The following ARID1B variants were observed in gnomAD, a reference collection of about 807,000 sequenced individuals.
ARID1B encodes AT-rich interaction domain 1B.
ARID1B carries 30 observed loss-of-function variants against 212.3 expected under a neutral mutation model. That is an observed-to-expected ratio of 0.14 (90% CI 0.11 to 0.19). ARID1B has a LOEUF of 0.19. Among genes scored for constraint, ARID1B ranks in the 10% least tolerant of loss-of-function variants. ARID1B has a pLI of 1.00. For synonymous variants in ARID1B, 1,402 were observed against 1,301.7 expected, an observed-to-expected ratio of 1.08 and a Z score of -1.66; for missense variants, 2,891 against 3,204.0, an observed-to-expected ratio of 0.90 and a Z score of 2.36.
intron 1 of ARID1B, among the ~76,000 whole-genome samples, chr6:156,787,093 C>T (rs1779694524): frequency 1.3e-5 from 2 of 150,970 alleles, no homozygotes; most frequent in South Asian, 4.2e-4. Context: ...TGTGCCAGAG[C>T]GAAATATAGA....
At position 156,892,060 on chromosome 6, in the gene ARID1B, C is replaced by CT. The variant is rs1194745302; in HGVS notation, c.1987-9305dup. On this transcript the variant is annotated intron_variant, in intron 2 of 19. Coordinates refer to ENST00000636930, the MANE Select transcript of ARID1B (RefSeq NM_001374828.1). ...CGAATTTTCTTTTTTTTTTTTTTTT[C>CT]TTTTTTTTTTTGTATTTTTAGTAGT... is the stretch of plus-strand genomic sequence containing the variant. Among the ~76,000 whole-genome samples, 324 of 64,398 alleles carry CT rather than the reference C, an allele frequency of 5.0e-3. 1 individual carries two copies. The highest frequency in any genetic ancestry group is 0.027 in the South Asian group (57 of 2,122). The allele number at this position is 64,398 out of a possible 152,430, so 42.2% of individuals were successfully genotyped here.
chr6:157,000,469 G>T (rs1452748825), intron 4 of ARID1B, among the ~76,000 whole-genome samples: 1 of 152,106 alleles, frequency 6.6e-6, no homozygotes, highest in Non-Finnish European at 1.5e-5. Flanking sequence ...AAATTGAAAA[G>T]AAATATTGTA....
intron 2 of ARID1B, among the ~76,000 whole-genome samples, chr6:156,858,401 G>A (rs1021447110): frequency 6.6e-6 from 1 of 152,196 alleles, no homozygotes; most frequent in Non-Finnish European, 1.5e-5. Context: ...ACAAAGAAAT[G>A]ACAAATGTTT....
chr6:156,839,492 C>T (rs1490784619), intron 2 of ARID1B, among the ~76,000 whole-genome samples: 1 of 152,168 alleles, frequency 6.6e-6, no homozygotes, highest in Non-Finnish European at 1.5e-5. Context: ...GGGATACATT[C>T]AAATCACTGA....
chr6:157,137,311 G>T (rs1788996913), intron 7 of ARID1B, among the ~76,000 whole-genome samples: 1 of 152,206 alleles, frequency 6.6e-6, no homozygotes, highest in South Asian at 2.1e-4. Flanking sequence ...CTTAATTACA[G>T]TATATTTTAT....
rs183142731 is a variant in ARID1B at position 156,857,349 on chromosome 6, A to G, written c.1986+27928A>G. Among the ~76,000 whole-genome samples the G allele has an allele frequency of 3.2e-3, 493 of 152,308 alleles. 2 individuals are homozygous for G. Among genetic ancestry groups the G allele is most frequent in the African/African-American group, 0.011 (469 of 41,572 alleles). On this transcript the variant is annotated intron_variant, in intron 2 of 19. Transcript: ENST00000636930. Reference sequence around the variant, plus strand: ...GTCCCCTGCTTTGTGGAGGCTGTACAGAGCCCCTGGGAAGCTGAGGTGCCA... The same window carrying G: ...GTCCCCTGCTTTGTGGAGGCTGTACGGAGCCCCTGGGAAGCTGAGGTGCCA...
chr6:156,925,750 AG>A (rs976188429), intron 3 of ARID1B, among the ~76,000 whole-genome samples: 1 of 152,182 alleles, frequency 6.6e-6, no homozygotes, highest in Non-Finnish European at 1.5e-5. Context: ...GCAGAGGGGA[AG>A]GGAAACTATC....
intron 2 of ARID1B, among the ~76,000 whole-genome samples, chr6:156,869,445 G>T (rs1165766158): frequency 6.6e-6 from 1 of 152,032 alleles, no homozygotes; most frequent in East Asian, 1.9e-4. Context: ...TAACCATTGG[G>T]GACTACATCT....
chr6:157,031,707 C>CCCT (rs1282082523), intron 4 of ARID1B, among the ~76,000 whole-genome samples: 2 of 152,062 alleles, frequency 1.3e-5, no homozygotes, highest in African/African-American at 4.8e-5. Context: ...TGGAGTCACC[C>CCCT]CCTCCTCTTG....
intron 1 of ARID1B, among the ~76,000 whole-genome samples, chr6:156,808,493 G>C (rs563420152): frequency 6.6e-6 from 1 of 152,314 alleles, no homozygotes; most frequent in South Asian, 2.1e-4. Flanking sequence ...CCGTGAACCA[G>C]AGCAGCCCTG....
intron 2 of ARID1B, among the ~76,000 whole-genome samples, chr6:156,857,834 A>G (rs993704194): frequency 1.2e-4 from 18 of 152,358 alleles, no homozygotes; most frequent in East Asian, 9.6e-4. Flanking sequence ...CCTAGGCTAT[A>G]TAACAGAGCC....
chr6:156,867,000 G>T (rs9372022), intron 2 of ARID1B, among the ~76,000 whole-genome samples: 40,992 of 152,130 alleles, frequency 0.27, 6,096 homozygotes, highest in African/African-American at 0.4. Context: ...TACATGAATA[G>T]CTCCCTTTAA....
chr6:156,952,394 T>C (rs1583018733), intron 4 of ARID1B, among the ~76,000 whole-genome samples: 1 of 152,242 alleles, frequency 6.6e-6, no homozygotes, highest in Admixed American at 6.5e-5. Flanking sequence ...CGTTATAAAA[T>C]TGGAGCTGTG....
intron 4 of ARID1B, among the ~76,000 whole-genome samples, chr6:156,962,569 G>A (rs9384517): frequency 0.57 from 85,977 of 151,726 alleles, 25,084 homozygotes; most frequent in African/African-American, 0.71. Context: ...ACAGCTCACC[G>A]CTTCCCGGGC....
rs558290284 is a variant in ARID1B, at chr6:156,967,825, G to A, written c.2247+32249G>A. On this transcript the variant is annotated intron_variant, in intron 4 of 19. Coordinates refer to ENST00000636930, the MANE Select transcript of ARID1B (RefSeq NM_001374828.1). ...TGAACCTCCTTTTGGGGGTTTCTGT[G>A]TATATTGAAATTGGTGATAAGATTT... is the stretch of plus-strand genomic sequence containing the variant. 3.3e-5 allele frequency among the ~76,000 whole-genome samples: 5 copies of A among 152,282 alleles called. No individual in the cohort carries two copies. The East Asian group carries it at 9.6e-4, about 29-fold the overall frequency.
In ARID1B at chr6:156,897,252, C is replaced by CTTATTATTA. The variant is rs1351964431; in HGVS notation, c.1987-4122_1987-4121insATTATTATT. Reference sequence around the variant, plus strand: ...TCTTCTTCTTCTTCTTCTTCTTCTTCTTCTTCTTCTTCTTATTATTATTAT... The same window carrying CTTATTATTA: ...TCTTCTTCTTCTTCTTCTTCTTCTTCTTATTATTATTCTTCTTCTTCTTATTATTATTAT... On this transcript the variant is annotated intron_variant, in intron 2 of 19. Transcript: ENST00000636930. 3.5e-3 allele frequency among the ~76,000 whole-genome samples: 336 copies of CTTATTATTA among 96,668 alleles called. 2 individuals carry two copies. Among genetic ancestry groups the CTTATTATTA allele is most frequent in the African/African-American group, 0.01 (294 of 28,070 alleles). 63.4% of individuals were successfully genotyped at this position (96,668 alleles called of 152,430 possible). A position where few individuals can be genotyped will look rare whatever the true frequency, so the allele number is the denominator to read the frequency against.
At chr6:157,108,847 A>G (rs1190993157) in intron 5 of ARID1B, among the ~76,000 whole-genome samples, 2 of 152,228 alleles carry the variant, frequency 1.3e-5, no homozygotes, top group Admixed American at 1.3e-4. Context: ...TAGTGGTGAC[A>G]CAGTGCATAT....
At chr6:156,982,425 CTT>C (rs778116375) in intron 4 of ARID1B, among the ~76,000 whole-genome samples, 11 of 124,738 alleles carry the variant, frequency 8.8e-5, no homozygotes, top group East Asian at 2.3e-4. Context: ...CTCTATGGGT[CTT>C]TTTTTTTTTT....
intron 7 of ARID1B, among the ~76,000 whole-genome samples, chr6:157,147,768 T>C (rs184448380): frequency 0.048 from 123 of 2,588 alleles, no homozygotes; most frequent in African/African-American, 0.058. Context: ...GTCCCTCACC[T>C]CCGCCTCCGG....
Sources: allele counts gnomAD v4.1 joint callset (sites outside exome capture counted in the v4.1 genomes callset), GRCh38; gene constraint gnomAD v4.1.1; transcripts MANE v1.5; gene names NCBI Gene and HGNC (gene_info 2026-07-23, HGNC 2026-07-21).